SEC14L5: variants seen among roughly 807,000 people sequenced by gnomAD.
SEC14L5 encodes the protein SEC14-like protein 5.
A neutral mutation model predicts 84.6 loss-of-function variants in SEC14L5; 96 were observed. The ratio of observed to expected loss-of-function variants is 1.13; its 90% CI spans 0.96 to 1.34. The LOEUF (loss-of-function observed/expected upper bound fraction) is 1.34. SEC14L5 is among the 40% of genes most tolerant of loss of function. The probability of loss-of-function intolerance (pLI) is 0.00; values close to 1 mark genes in which losing one functional copy is unlikely to be tolerated. For synonymous variants in SEC14L5, 546 were observed against 383.4 expected (o/e 1.42, Z -4.95); for missense variants, 1,224 against 942.5 (o/e 1.30, Z -3.91).
chr16:5,008,348 C>G, intron 13 of SEC14L5, 73 bp from the exon 14 acceptor site: 1 of 1,118,092 alleles, frequency 8.9e-7, no homozygotes, highest in Non-Finnish European at 1.3e-6. Flanking sequence ...CACAGCCCCT[C>G]CTGCCACTGT....
chr16:5,008,709 C>A, intron 14 of SEC14L5, 61 bp downstream of exon 14: 2 of 1,440,962 alleles, frequency 1.4e-6, no homozygotes, highest in Non-Finnish European at 1.9e-6. Context: ...CACTGCGTGC[C>A]AGGCTTCTGG....
chr16:5,007,444 G>A lies in SEC14L5; in HGVS notation c.1530G>A (p.Glu510=). The A allele has an allele frequency of 1.9e-6, 3 of 1,613,900 alleles. No individual in the cohort carries two copies. The highest frequency in any genetic ancestry group is 3.3e-5 in the Admixed American group (2 of 60,020). Residue 510 remains glutamate (E), a synonymous_variant, in exon 13 of 16, where the codon GAG becomes GAA. Coordinates refer to ENST00000251170, the MANE Select transcript of SEC14L5 (RefSeq NM_014692.2). ...EHTDQLWQWS[E]TYHSASVLRG... ...CGGACCAGCTGTGGCAGTGGAGTGA[G>A]ACCTACCATTCAGCCAGCGTGCTCC...
At chr16:5,007,844 G>T (rs541836622) in intron 13 of SEC14L5, among the ~76,000 whole-genome samples, 1 of 151,118 alleles carries the variant, frequency 6.6e-6, no homozygotes, top group Non-Finnish European at 1.5e-5. Flanking sequence ...GAGGTCAGGT[G>T]ATCCGCCCGC....
intron 12 of SEC14L5, 25 bp downstream of exon 12, chr16:5,006,073 G>T: frequency 2.5e-6 from 4 of 1,611,280 alleles, no homozygotes; most frequent in Non-Finnish European, 3.4e-6. Context: ...TCCACAGACA[G>T]ACCTGGGCTT....
chr16:4,968,656 C>T (rs1216235747), intron 2 of SEC14L5, among the ~76,000 whole-genome samples: 4 of 152,206 alleles, frequency 2.6e-5, no homozygotes, highest in African/African-American at 7.2e-5. Flanking sequence ...GCACCAGCAG[C>T]AGTACTGTGG....
chr16:4,989,261 G>C (rs1568127099), intron 4 of SEC14L5, among the ~76,000 whole-genome samples: 1 of 151,484 alleles, frequency 6.6e-6, no homozygotes, highest in Non-Finnish European at 1.5e-5. Context: ...TTTTCACGAT[G>C]ATAACTCCAG....
At chr16:5,009,969 G>C (rs1369404800) in intron 14 of SEC14L5, among the ~76,000 whole-genome samples, 1 of 152,008 alleles carries the variant, frequency 6.6e-6, no homozygotes, top group Non-Finnish European at 1.5e-5. Flanking sequence ...AGTTTGGATA[G>C]AAGGGGAGGT....
In SEC14L5 at chr16:4,998,129, C is replaced by A. The variant is rs146137830; in HGVS notation, c.970+1085C>A. Among the ~76,000 whole-genome samples the A allele has an allele frequency of 1.7e-3, 263 of 151,728 alleles. 1 individual carries two copies. The highest frequency in any genetic ancestry group is 6.0e-3 in the African/African-American group (248 of 41,374). ...CAAGCGATTCTCCTGCGTCAGCCTC[C>A]TGAGTAGCTGGGACTACAGGCGTGC... On this transcript the variant is annotated intron_variant, in intron 8 of 15. Coordinates refer to ENST00000251170, the MANE Select transcript of SEC14L5 (RefSeq NM_014692.2).
intron 2 of SEC14L5, among the ~76,000 whole-genome samples, chr16:4,960,050 T>C (rs1023672462): frequency 6.6e-6 from 1 of 152,168 alleles, no homozygotes; most frequent in African/African-American, 2.4e-5. Flanking sequence ...TACTCTGTGT[T>C]GTGCAGCAAG....
At chr16:5,003,309 C>A in intron 10 of SEC14L5, 93 bp from the exon 11 acceptor site, 1 of 972,200 alleles carries the variant, frequency 1.0e-6, no homozygotes, top group East Asian at 2.4e-5. Context: ...AGCCCTATCT[C>A]TCGGAGCCTC....
chr16:4,985,367 A>G (rs924630659), intron 2 of SEC14L5, among the ~76,000 whole-genome samples: 70 of 152,300 alleles, frequency 4.6e-4, no homozygotes, highest in African/African-American at 1.7e-3. Flanking sequence ...CTGGGATTAC[A>G]GGTGCATGCT....
intron 6 of SEC14L5, among the ~76,000 whole-genome samples, chr16:4,994,121 T>C (rs928293917): frequency 2.6e-5 from 4 of 152,172 alleles, no homozygotes; most frequent in African/African-American, 9.7e-5. Flanking sequence ...ATGGAAAATG[T>C]TTACAATATA....
chr16:4,996,606 CAA>C, intron 7 of SEC14L5, 146 bp downstream of exon 7: 3 of 626,424 alleles, frequency 4.8e-6, no homozygotes, highest in Admixed American at 5.4e-5. Context: ...TTCTGTGAGA[CAA>C]AGTCTCACTC....
intron 2 of SEC14L5, among the ~76,000 whole-genome samples, chr16:4,981,225 C>T (rs544286770): frequency 7.7e-4 from 109 of 142,272 alleles, no homozygotes; most frequent in African/African-American, 2.6e-3. Context: ...GCTGGGATTA[C>T]AGGCATGCAC....
chr16:4,982,933 C>G (rs972418391), intron 2 of SEC14L5, among the ~76,000 whole-genome samples: 3 of 151,668 alleles, frequency 2.0e-5, no homozygotes, highest in African/African-American at 7.3e-5. Context: ...TGAACATATA[C>G]AAAAAAAATT....
chr16:4,986,425 C>A (rs1269908405), intron 2 of SEC14L5, among the ~76,000 whole-genome samples: 3 of 152,200 alleles, frequency 2.0e-5, no homozygotes, highest in Non-Finnish European at 4.4e-5. Context: ...TATGCGTGAG[C>A]CACCACACCT....
intron 15 of SEC14L5, among the ~76,000 whole-genome samples, chr16:5,014,085 C>G (rs955622716): frequency 6.6e-6 from 1 of 152,216 alleles, no homozygotes; most frequent in Admixed American, 6.5e-5. Context: ...CTGCACTGTC[C>G]TATCTGGTCG....
chr16:4,977,908 C>G (rs999685352), intron 2 of SEC14L5, among the ~76,000 whole-genome samples: 2 of 151,318 alleles, frequency 1.3e-5, no homozygotes, highest in East Asian at 2.0e-4. Context: ...TCAAGCAATT[C>G]TCATGCCTCA....
intron 15 of SEC14L5, among the ~76,000 whole-genome samples, chr16:5,012,645 C>T (rs1458257703): frequency 6.6e-6 from 1 of 152,256 alleles, no homozygotes; most frequent in South Asian, 2.1e-4. Context: ...TGGCTCACGC[C>T]TGTAATCCCA....
Sources: allele counts gnomAD v4.1 joint callset (sites outside exome capture counted in the v4.1 genomes callset), GRCh38; gene constraint gnomAD v4.1.1; transcripts MANE v1.5; gene names NCBI Gene and HGNC (gene_info 2026-07-23, HGNC 2026-07-21).